VPS13B: variants seen among roughly 807,000 people sequenced by gnomAD.
The protein encoded by VPS13B is intermembrane lipid transfer protein VPS13B.
In VPS13B, 285 loss-of-function variants were observed where a neutral mutation model predicts 426.4. The observed-to-expected ratio is 0.67, with a 90% CI of 0.61 to 0.74. The LOEUF is 0.74. Ranked by LOEUF, VPS13B falls within the 30% of genes least tolerant of loss-of-function variation. The probability of loss-of-function intolerance (pLI) is 0.00; values close to 1 mark genes in which losing one functional copy is unlikely to be tolerated. For synonymous variants in VPS13B, 1,676 were observed against 1,676.4 expected (o/e 1.00, Z 0.01); for missense variants, 4,537 against 4,782.6 (o/e 0.95, Z 1.51).
intron 7 of VPS13B, among the ~76,000 whole-genome samples, 175 bp downstream of exon 7, chr8:99,116,049 A>G (rs568412252): frequency 6.6e-6 from 1 of 152,198 alleles, no homozygotes; most frequent in East Asian, 1.9e-4. Context: ...TTGTTTTGAG[A>G]TGGAGACTAG....
chr8:99,467,027 T>C (rs866672166), intron 23 of VPS13B, among the ~76,000 whole-genome samples: 6 of 152,162 alleles, frequency 3.9e-5, no homozygotes, highest in Admixed American at 1.3e-4. Context: ...CTCAAAGTTC[T>C]TGGAGGCTAC....
chr8:99,016,518 T>TG (rs983682365), intron 2 of VPS13B, among the ~76,000 whole-genome samples: 19 of 151,736 alleles, frequency 1.3e-4, no homozygotes, highest in African/African-American at 2.7e-4. Context: ...TTTTTTTTTT[T>TG]TGTGAAGTCT....
chr8:99,181,260 G>A (rs913392881), intron 16 of VPS13B, among the ~76,000 whole-genome samples: 1 of 152,128 alleles, frequency 6.6e-6, no homozygotes, highest in African/African-American at 2.4e-5. Context: ...GATAAATATC[G>A]AGTGAAAAAA....
intron 3 of VPS13B, among the ~76,000 whole-genome samples, chr8:99,074,532 A>T (rs1467495704): frequency 2.0e-5 from 3 of 151,072 alleles, no homozygotes; most frequent in Non-Finnish European, 4.4e-5. Flanking sequence ...ATTCTACCTG[A>T]TTATAGTATA....
At chr8:99,540,807 G>A (rs901869443) in intron 30 of VPS13B, among the ~76,000 whole-genome samples, 8 of 152,010 alleles carry the variant, frequency 5.3e-5, no homozygotes, top group African/African-American at 1.9e-4. Flanking sequence ...TAATTGTTCT[G>A]TGGATTTTTA....
chr8:99,649,844 C>G (rs142571554), intron 34 of VPS13B, among the ~76,000 whole-genome samples: 1 of 152,190 alleles, frequency 6.6e-6, no homozygotes, highest in Non-Finnish European at 1.5e-5. Context: ...ATAGGGCTCA[C>G]TCTCGAGTTA....
intron 21 of VPS13B, among the ~76,000 whole-genome samples, chr8:99,404,305 A>G (rs914414555): frequency 1.3e-5 from 2 of 152,266 alleles, no homozygotes; most frequent in African/African-American, 4.8e-5. Flanking sequence ...GCAAAAATTC[A>G]ACCAATTTTT....
intron 16 of VPS13B, among the ~76,000 whole-genome samples, chr8:99,176,344 C>G (rs1037444860): frequency 3.3e-5 from 5 of 152,036 alleles, no homozygotes; most frequent in African/African-American, 1.2e-4. Flanking sequence ...ATCTTGTTGG[C>G]TAGGCTGGTC....
At chr8:99,360,843 G>T (rs1812519818) in intron 19 of VPS13B, among the ~76,000 whole-genome samples, 1 of 152,056 alleles carries the variant, frequency 6.6e-6, no homozygotes, top group African/African-American at 2.4e-5. Context: ...GTTTTCTTGG[G>T]TAGATTATAT....
chr8:99,075,284 C>T (rs188645872), intron 3 of VPS13B, among the ~76,000 whole-genome samples: 57 of 152,222 alleles, frequency 3.7e-4, no homozygotes, highest in African/African-American at 1.2e-3. Context: ...CCGGCATCTG[C>T]CTAGCTTCTG....
At chr8:99,654,095 C>T (rs1394807338) in intron 34 of VPS13B, among the ~76,000 whole-genome samples, 1 of 151,834 alleles carries the variant, frequency 6.6e-6, no homozygotes, top group African/African-American at 2.4e-5. Flanking sequence ...GTCACCCAGG[C>T]TGGAGTGCAG....
At chr8:99,064,610 A>G (rs1844372608) in intron 3 of VPS13B, among the ~76,000 whole-genome samples, 1 of 152,236 alleles carries the variant, frequency 6.6e-6, no homozygotes, top group African/African-American at 2.4e-5. Flanking sequence ...GGACTATGTG[A>G]AAAAACCAAA....
chr8:99,431,554 G>A lies in VPS13B; in HGVS notation c.3100G>A (p.Val1034Ile). The change falls in exon 22 of 62, where the codon GTT (valine) becomes ATT (isoleucine). Residue 1034 changes from valine to isoleucine, a missense_variant. Val to Ile is a conservative substitution (Grantham distance 29). This residue lies in a region of VPS13B where 4,311 missense variants were observed against 4,474.3 expected (regional missense o/e 0.96). Coordinates refer to ENST00000357162, the MANE Select transcript of VPS13B (RefSeq NM_152564.5). The stretch of plus-strand genomic sequence containing the variant: ...GTACTCAGAATCCCGCCCATTGTCA[G>A]TTCCTGTTAAAGCCATGTTGAATAT... ...KTVTESRPLS[V>I]PVKAMLNISE... 1 of 1,613,418 alleles carries A rather than the reference G, an allele frequency of 6.2e-7. No homozygotes were observed. Among genetic ancestry groups the A allele is most frequent in the Non-Finnish European group, 8.5e-7 (1 of 1,179,738 alleles).
At chr8:99,208,725 A>T (rs1814889566) in intron 17 of VPS13B, among the ~76,000 whole-genome samples, 1 of 152,216 alleles carries the variant, frequency 6.6e-6, no homozygotes, top group Non-Finnish European at 1.5e-5. Context: ...ATTATCATAG[A>T]TTGACTTCCT....
Position 99,479,440 on chromosome 8 carries a change from T to A in VPS13B, c.3667-2159T>A, listed in dbSNP as rs1021597340. On this transcript the variant is annotated intron_variant, in intron 24 of 61. Transcript: ENST00000357162. ...GCCACCTCACATGGTATTTATTTTT[T>A]AGGGATTTTTAAAAAATGTTTTATT... 3.9e-5 allele frequency among the ~76,000 whole-genome samples: 6 copies of A among 152,330 alleles called. No individual in the cohort carries two copies. The South Asian group carries it at 8.3e-4, about 21-fold the overall frequency.
intron 21 of VPS13B, among the ~76,000 whole-genome samples, chr8:99,427,605 A>C (rs546421285): frequency 8.5e-4 from 130 of 152,182 alleles, no homozygotes; most frequent in South Asian, 2.5e-3. Flanking sequence ...CTTCAAGGAG[A>C]ACTACAAACC....
chr8:99,635,073 A>G (rs564116656), intron 33 of VPS13B, among the ~76,000 whole-genome samples: 1 of 151,946 alleles, frequency 6.6e-6, no homozygotes, highest in Non-Finnish European at 1.5e-5. Context: ...CTTCTAAAGC[A>G]TAGAGCTAGA....
At chr8:99,542,310 A>C (rs1007382225) in intron 30 of VPS13B, among the ~76,000 whole-genome samples, 2 of 152,204 alleles carry the variant, frequency 1.3e-5, no homozygotes, top group African/African-American at 4.8e-5. Context: ...ATAATTTATC[A>C]CATCTTGATT....
intron 16 of VPS13B, among the ~76,000 whole-genome samples, chr8:99,191,596 C>G (rs1009633645): frequency 1.4e-4 from 21 of 151,876 alleles, no homozygotes; most frequent in African/African-American, 4.6e-4. Context: ...GTTGGTCAGG[C>G]TGGTCTCGAA....
Sources: gnomAD v4.1 joint callset for allele counts (sites outside exome capture counted in the v4.1 genomes callset) on GRCh38, gnomAD v4.1.1 for gene constraint, gnomAD v4.1.1 regional missense constraint, MANE v1.5 for transcripts, NCBI Gene and HGNC (gene_info 2026-07-23, HGNC 2026-07-21) for gene names.